CAGE1: variants seen among roughly 807,000 people sequenced by gnomAD.
The protein encoded by CAGE1 is cancer antigen 1.
A neutral mutation model predicts 94.9 loss-of-function variants in CAGE1; 66 were observed. The ratio of observed to expected loss-of-function variants is 0.70; its 90% CI spans 0.57 to 0.85. The LOEUF (loss-of-function observed/expected upper bound fraction) is 0.85. CAGE1 is among the 40% of genes least tolerant of loss of function. The pLI, the probability that CAGE1 is intolerant of heterozygous loss-of-function variation, is 0.00. For missense variants in CAGE1, 865 were observed against 950.4 expected, an observed-to-expected ratio of 0.91 and a Z score of 1.18; for synonymous variants, 319 against 321.0, an observed-to-expected ratio of 0.99 and a Z score of 0.07.
chr6:7,374,799 G>A (rs2113455714), intron 4 of CAGE1, among the ~76,000 whole-genome samples: 1 of 152,270 alleles, frequency 6.6e-6, no homozygotes, highest in East Asian at 1.9e-4. Flanking sequence ...GGAGACTGAG[G>A]TGGGTGGATC....
At chr6:7,364,668 C>G (rs1760266143) in intron 9 of CAGE1, among the ~76,000 whole-genome samples, 1 of 151,874 alleles carries the variant, frequency 6.6e-6, no homozygotes. Context: ...CGGGGTTTCA[C>G]CATCTTGGCC....
intron 2 of CAGE1, among the ~76,000 whole-genome samples, chr6:7,386,259 A>T (rs928301344): frequency 2.6e-5 from 4 of 152,246 alleles, no homozygotes; most frequent in African/African-American, 9.6e-5. Flanking sequence ...TAAAACAGGC[A>T]TATATCTTTG....
chr6:7,387,120 A>G lies in CAGE1; in HGVS notation c.54T>C (p.Phe18=). 6.4e-7 allele frequency: 1 copy of G among 1,551,552 alleles called. No homozygotes were observed. Among genetic ancestry groups the G allele is most frequent in the Non-Finnish European group, 8.7e-7 (1 of 1,146,820 alleles). ...FWSSPSDPVH[F]EVDTSHEKVE... The stretch of plus-strand genomic sequence containing the variant: ...CTTTTTCATGAGAAGTATCCACTTC[A>G]AAATGTACAGGATCTGAAGGTGATG... Residue 18 remains phenylalanine (F), a synonymous_variant, in exon 2 of 14, where the codon TTT becomes TTC. Transcript: ENST00000502583.
At chr6:7,369,646 CT>C (rs1248199398) in intron 6 of CAGE1, among the ~76,000 whole-genome samples, 1 of 152,168 alleles carries the variant, frequency 6.6e-6, no homozygotes, top group Admixed American at 6.5e-5. Context: ...GAGGGCATCG[CT>C]GAAACGTGGG....
chr6:7,378,114 A>G (rs1760816671), intron 4 of CAGE1, among the ~76,000 whole-genome samples: 1 of 152,190 alleles, frequency 6.6e-6, no homozygotes, highest in Admixed American at 6.5e-5. Flanking sequence ...CAAATATAAA[A>G]GCTTATTATA....
chr6:7,347,727 G>T (rs1304688810), intron 11 of CAGE1, among the ~76,000 whole-genome samples: 1 of 151,998 alleles, frequency 6.6e-6, no homozygotes, highest in Admixed American at 6.6e-5. Flanking sequence ...GACTGTAAAA[G>T]GGGGCATGGT....
chr6:7,361,369 A>G (rs1433346785), intron 9 of CAGE1, among the ~76,000 whole-genome samples: 1 of 152,230 alleles, frequency 6.6e-6, no homozygotes, highest in Non-Finnish European at 1.5e-5. Context: ...CTTTCACATC[A>G]TGAACATGAT....
intron 13 of CAGE1, among the ~76,000 whole-genome samples, chr6:7,329,475 G>A (rs969188368): frequency 4.6e-5 from 7 of 152,126 alleles, no homozygotes; most frequent in African/African-American, 1.7e-4. Context: ...TTTATGCAAC[G>A]GAGGGGCATG....
intron 11 of CAGE1, among the ~76,000 whole-genome samples, chr6:7,351,209 T>C (rs1472085681): frequency 6.6e-6 from 1 of 152,046 alleles, no homozygotes; most frequent in African/African-American, 2.4e-5. Flanking sequence ...AAGAGATGGA[T>C]AAATTCCTGG....
intron 12 of CAGE1, among the ~76,000 whole-genome samples, chr6:7,333,633 TCTAA>T (rs10601678): frequency 0.33 from 33,905 of 102,972 alleles, 4,604 homozygotes; most frequent in African/African-American, 0.43. Flanking sequence ...TAACTATCTA[TCTAA>T]CTATCTATAT....
intron 11 of CAGE1, chr6:7,341,850 G>A (rs1759190049): frequency 2.9e-6 from 2 of 680,298 alleles, no homozygotes; most frequent in South Asian, 1.4e-5. Context: ...AGTAGGTCAG[G>A]AACTGGGCCA....
chr6:7,348,940 C>T (rs568784589), intron 11 of CAGE1, among the ~76,000 whole-genome samples: 5 of 152,270 alleles, frequency 3.3e-5, no homozygotes, highest in South Asian at 4.1e-4. Context: ...TGAGAATAAT[C>T]GGTGTTCCTG....
At chr6:7,341,494 T>C in intron 11 of CAGE1, 1 of 1,205,620 alleles carries the variant, frequency 8.3e-7, no homozygotes, top group Non-Finnish European at 1.2e-6. Context: ...CCATCGCGAG[T>C]CTGAGGAGTA....
In CAGE1 at chr6:7,370,052, G is replaced by A; in HGVS notation, c.1760C>T (p.Thr587Ile). ...GCAATCCGGGAGCAGATTAGAATGTGTCGTTTTTGTATCCTACATGCACGT... is the reference window on the plus strand; with the variant it reads ...GCAATCCGGGAGCAGATTAGAATGTATCGTTTTTGTATCCTACATGCACGT... ...KSDITKDTKTTHSNLLPDCSP... is the reference protein window; with the variant it reads ...KSDITKDTKTIHSNLLPDCSP... Residue 587 changes from threonine to isoleucine, a missense_variant, in exon 6 of 14, where the codon ACA becomes ATA. Physicochemically the swap from Thr to Ile is moderately conservative, Grantham distance 89. Coordinates refer to ENST00000502583, the MANE Select transcript of CAGE1 (RefSeq NM_001170692.2). 4 of 1,603,960 alleles carry A rather than the reference G, an allele frequency of 2.5e-6. No individual in the cohort carries two copies. The highest frequency in any genetic ancestry group is 2.2e-5 in the East Asian group (1 of 44,574).
In CAGE1 at chr6:7,389,734, G is replaced by C. The variant is rs574918812; in HGVS notation, c.-556C>G. 1.9e-4 allele frequency: 109 copies of C among 565,492 alleles called. 1 individual carries two copies. The highest frequency in any genetic ancestry group is 1.9e-3 in the African/African-American group (100 of 53,198). 35.0% of individuals were successfully genotyped at this position (565,492 alleles called of 1,614,324 possible). On this transcript the variant is annotated 5_prime_UTR_variant, in exon 1 of 14. Coordinates refer to ENST00000502583, the MANE Select transcript of CAGE1 (RefSeq NM_001170692.2). ...ACAGCCCTATACAGCGCGCCATCCA[G>C]AGAGCTCCGGACTCCCAGCTCGGCG...
chr6:7,368,524 T>C (rs1186976093), intron 7 of CAGE1, among the ~76,000 whole-genome samples, 164 bp downstream of exon 7: 2 of 152,130 alleles, frequency 1.3e-5, no homozygotes, highest in Non-Finnish European at 2.9e-5. Context: ...ACAAGTCAAA[T>C]GTTGAACATT....
At chr6:7,364,817 C>A (rs1760271479) in intron 9 of CAGE1, among the ~76,000 whole-genome samples, 1 of 152,060 alleles carries the variant, frequency 6.6e-6, no homozygotes, top group African/African-American at 2.4e-5. Context: ...AAGCTTTGAA[C>A]CTTCACGTTA....
chr6:7,328,873 AGTGTGTGT>A (rs545926619), intron 13 of CAGE1, among the ~76,000 whole-genome samples: 4,300 of 105,316 alleles, frequency 0.041, 172 homozygotes, highest in African/African-American at 0.1. Flanking sequence ...GTATCTTATA[AGTGTGTGT>A]GTGTGTGTGT....
At chr6:7,359,881 G>A (rs1760111312) in intron 9 of CAGE1, among the ~76,000 whole-genome samples, 1 of 152,162 alleles carries the variant, frequency 6.6e-6, no homozygotes, top group Non-Finnish European at 1.5e-5. Flanking sequence ...CAAACTTAGT[G>A]GCTTCACACA....
Sources: allele counts gnomAD v4.1 joint callset (sites outside exome capture counted in the v4.1 genomes callset), GRCh38; gene constraint gnomAD v4.1.1; transcripts MANE v1.5; gene names NCBI Gene and HGNC (gene_info 2026-07-23, HGNC 2026-07-21).